MRPS9: variants seen among roughly 807,000 people sequenced by gnomAD.
The protein encoded by MRPS9 is mitochondrial ribosomal protein S9.
Under a neutral mutation model 59.9 loss-of-function variants are expected in MRPS9, and 45 were observed. The observed-to-expected ratio is 0.75, with a 90% CI of 0.59 to 0.96. The LOEUF (loss-of-function observed/expected upper bound fraction) is 0.96. Ranked by LOEUF, MRPS9 falls within the 40% of genes least tolerant of loss-of-function variation. MRPS9 has a pLI of 0.00. For missense variants in MRPS9, 473 were observed against 481.1 expected (o/e 0.98, Z 0.16); for synonymous variants, 171 against 166.8 (o/e 1.03, Z -0.19).
chr2:105,041,801 A>T (rs1044228940), intron 1 of MRPS9, among the ~76,000 whole-genome samples: 3 of 152,168 alleles, frequency 2.0e-5, no homozygotes, highest in Non-Finnish European at 4.4e-5. Context: ...TGGTAGGATA[A>T]ACTGTTCCCT....
chr2:105,075,096 G>A (rs1166508843), intron 4 of MRPS9, among the ~76,000 whole-genome samples: 1 of 152,202 alleles, frequency 6.6e-6, no homozygotes, highest in African/African-American at 2.4e-5. Context: ...CTCATAAGGA[G>A]CATGCAACCT....
At chr2:105,092,620 A>T in intron 8 of MRPS9, 51 bp downstream of exon 8, 5 of 1,378,246 alleles carry the variant, frequency 3.6e-6, no homozygotes, top group Middle Eastern at 1.9e-4. Flanking sequence ...TTGAAAAACT[A>T]CAATTATTTT....
chr2:105,085,573 C>G (rs1456112047), intron 5 of MRPS9, among the ~76,000 whole-genome samples: 1 of 152,156 alleles, frequency 6.6e-6, no homozygotes, highest in Non-Finnish European at 1.5e-5. Flanking sequence ...CTCATACTCT[C>G]AGAAGGGTTT....
intron 2 of MRPS9, among the ~76,000 whole-genome samples, chr2:105,069,789 T>A (rs1258823289): frequency 6.6e-6 from 1 of 151,326 alleles, no homozygotes; most frequent in East Asian, 2.0e-4. Context: ...GGCAAGAAGA[T>A]CATTTGAGCT....
At chr2:105,051,797 A>G (rs1679716430) in intron 2 of MRPS9, among the ~76,000 whole-genome samples, 1 of 151,496 alleles carries the variant, frequency 6.6e-6, no homozygotes, top group African/African-American at 2.4e-5. Flanking sequence ...CTTAACTTCT[A>G]TTGTAAATAG....
intron 2 of MRPS9, among the ~76,000 whole-genome samples, chr2:105,062,850 T>C (rs1431861338): frequency 6.6e-6 from 1 of 152,224 alleles, no homozygotes; most frequent in Non-Finnish European, 1.5e-5. Context: ...ATTTCCATTA[T>C]CAGAGGAAGT....
intron 2 of MRPS9, among the ~76,000 whole-genome samples, chr2:105,057,934 GA>G (rs149795221): frequency 0.035 from 5,309 of 152,098 alleles, 341 homozygotes; most frequent in African/African-American, 0.12. Context: ...AGAATTTCAG[GA>G]AAAAAGCCAG....
chr2:105,067,168 T>G (rs1680016332), intron 2 of MRPS9, among the ~76,000 whole-genome samples: 1 of 152,184 alleles, frequency 6.6e-6, no homozygotes, highest in Non-Finnish European at 1.5e-5. Flanking sequence ...ACAATATCAT[T>G]ATCACATCTG....
At chr2:105,067,530 A>G (rs1378458942) in intron 2 of MRPS9, among the ~76,000 whole-genome samples, 1 of 152,084 alleles carries the variant, frequency 6.6e-6, no homozygotes, top group African/African-American at 2.4e-5. Context: ...TAACCAGTCT[A>G]TAGGGTAATA....
intron 5 of MRPS9, 26 bp from the exon 6 acceptor site, chr2:105,088,958 T>G: frequency 1.4e-6 from 2 of 1,478,752 alleles, no homozygotes; most frequent in Non-Finnish European, 1.9e-6. Flanking sequence ...ATTTTTAGCA[T>G]GTACTGTATA....
At chr2:105,080,700 A>C (rs1232501716) in intron 5 of MRPS9, among the ~76,000 whole-genome samples, 1 of 152,212 alleles carries the variant, frequency 6.6e-6, no homozygotes, top group Non-Finnish European at 1.5e-5. Context: ...TTTTATTTTT[A>C]GAACATGATA....
At chr2:105,099,017 T>C (rs896941192) in intron 10 of MRPS9, among the ~76,000 whole-genome samples, 2 of 152,160 alleles carry the variant, frequency 1.3e-5, no homozygotes, top group African/African-American at 4.8e-5. Flanking sequence ...GAATGAAAGT[T>C]TCCCGTTTAA....
Position 105,092,020 on chromosome 2 carries a change from C to T in MRPS9, c.652-381C>T, listed in dbSNP as rs181204172. 9 of 165,312 alleles carry T rather than the reference C, an allele frequency of 5.4e-5. No individual in the cohort carries two copies. The East Asian group carries it at 1.6e-3, about 29-fold the overall frequency. The allele number at this position is 165,312 out of a possible 1,614,324, so 10.2% of individuals were successfully genotyped here. A position where few individuals can be genotyped will look rare whatever the true frequency, so the allele number is the denominator to read the frequency against. ...ATCAAACTCTTTCCATATTACTATA[C>T]ATAACTTACTTGAAATTATTTATAA... is the stretch of plus-strand genomic sequence containing the variant. On this transcript the variant is annotated intron_variant, in intron 7 of 10. Coordinates refer to ENST00000258455, the MANE Select transcript of MRPS9 (RefSeq NM_182640.3).
chr2:105,042,445 A>G (rs1679517854), intron 1 of MRPS9, among the ~76,000 whole-genome samples: 1 of 152,382 alleles, frequency 6.6e-6, no homozygotes, highest in East Asian at 1.9e-4. Flanking sequence ...AGAGAAGAAC[A>G]GCAGGTGGCA....
intron 2 of MRPS9, among the ~76,000 whole-genome samples, chr2:105,069,798 C>T (rs1680078871): frequency 6.6e-6 from 1 of 151,388 alleles, no homozygotes; most frequent in African/African-American, 2.4e-5. Context: ...ATCATTTGAG[C>T]TCAGGAGTTC....
In MRPS9 at chr2:105,093,648, G is replaced by T; in HGVS notation, c.929+10G>T. 2.0e-6 allele frequency: 3 copies of T among 1,490,146 alleles called. No homozygotes were observed. Among genetic ancestry groups the T allele is most frequent in the Admixed American group, 2.0e-5 (1 of 50,382 alleles). 92.3% of individuals were successfully genotyped at this position (1,490,146 alleles called of 1,614,324 possible). ...CGATCACACAGGACAGGTTCGTTTT[G>T]GGTTCTGATTTTTTGTTTTTAAAGG... On this transcript the variant is annotated intron_variant, in intron 9 of 10. Transcript: ENST00000258455.
chr2:105,049,045 C>T (rs1275288567), intron 1 of MRPS9, 126 bp from the exon 2 acceptor site: 3 of 652,266 alleles, frequency 4.6e-6, no homozygotes, highest in African/African-American at 3.7e-5. Flanking sequence ...TTTTTGGACT[C>T]CTGTCACTTG....
intron 4 of MRPS9, among the ~76,000 whole-genome samples, chr2:105,077,838 T>G (rs1299589167): frequency 6.6e-6 from 1 of 152,168 alleles, no homozygotes; most frequent in African/African-American, 2.4e-5. Context: ...TTGGAAAAAT[T>G]CCATGGTTCT....
intron 5 of MRPS9, among the ~76,000 whole-genome samples, chr2:105,081,942 G>C (rs1194885894): frequency 6.6e-6 from 1 of 152,196 alleles, no homozygotes; most frequent in Admixed American, 6.5e-5. Context: ...ACGATCATCT[G>C]CAGGAGATAC....
Sources: allele counts gnomAD v4.1 joint callset (sites outside exome capture counted in the v4.1 genomes callset), GRCh38; gene constraint gnomAD v4.1.1; transcripts MANE v1.5; gene names NCBI Gene and HGNC (gene_info 2026-07-23, HGNC 2026-07-21).